FGF1: variants seen among roughly 807,000 people sequenced by gnomAD.
FGF1 encodes beta-endothelial cell growth factor.
In FGF1, 9 loss-of-function variants were observed where a neutral mutation model predicts 13.4. That is an observed-to-expected ratio of 0.67 (90% CI 0.40 to 1.17). The LOEUF is 1.17. FGF1 is among the 50% of genes most tolerant of loss of function. The pLI, the probability that FGF1 is intolerant of heterozygous loss-of-function variation, is 0.01. For synonymous variants in FGF1, 93 were observed against 79.0 expected (o/e 1.18, Z -0.94); for missense variants, 156 against 192.7 (o/e 0.81, Z 1.13).
At chr5:142,683,242 A>AC (rs1774042188) in intron 1 of FGF1, among the ~76,000 whole-genome samples, 1 of 152,200 alleles carries the variant, frequency 6.6e-6, no homozygotes, top group South Asian at 2.1e-4. Flanking sequence ...CACTCTGCAC[A>AC]ATACCTAACC....
intron 1 of FGF1, among the ~76,000 whole-genome samples, chr5:142,679,639 T>C (rs1773345198): frequency 6.6e-6 from 1 of 152,180 alleles, no homozygotes; most frequent in South Asian, 2.1e-4. Flanking sequence ...CCCTTTCCTC[T>C]TTTCCTCCAG....
intron 2 of FGF1, among the ~76,000 whole-genome samples, chr5:142,604,840 T>G (rs530701274): frequency 3.9e-5 from 6 of 152,312 alleles, no homozygotes; most frequent in African/African-American, 1.4e-4. Flanking sequence ...TCTCTTGGGC[T>G]CCAATTATGG....
intron 1 of FGF1, among the ~76,000 whole-genome samples, chr5:142,618,973 A>C (rs1236347940): frequency 2.1e-5 from 2 of 96,272 alleles, no homozygotes; most frequent in African/African-American, 4.0e-5. Flanking sequence ...CCCGCTCTTT[A>C]GCCCAGGCCG....
At chr5:142,597,449 G>T (rs1223839855) in intron 3 of FGF1, among the ~76,000 whole-genome samples, 1 of 152,194 alleles carries the variant, frequency 6.6e-6, no homozygotes, top group Non-Finnish European at 1.5e-5. Context: ...CAGCCACAAC[G>T]TATTAAAGAG....
At chr5:142,671,270 C>G (rs969827799) in intron 1 of FGF1, among the ~76,000 whole-genome samples, 1 of 152,176 alleles carries the variant, frequency 6.6e-6, no homozygotes, top group African/African-American at 2.4e-5. Flanking sequence ...TCTGTGTTAA[C>G]AAATGATGTC....
intron 1 of FGF1, among the ~76,000 whole-genome samples, chr5:142,663,780 C>T (rs1003747748): frequency 5.3e-5 from 8 of 152,078 alleles, no homozygotes; most frequent in Non-Finnish European, 1.0e-4. Flanking sequence ...AAACCATTAG[C>T]GATTTGATGT....
chr5:142,634,687 T>C (rs761089516), intron 1 of FGF1, among the ~76,000 whole-genome samples: 62 of 152,312 alleles, frequency 4.1e-4, no homozygotes, highest in Non-Finnish European at 8.2e-4. Context: ...CAAATAGTAT[T>C]ATTAATGTCT....
intron 1 of FGF1, among the ~76,000 whole-genome samples, chr5:142,682,408 T>C (rs996255727): frequency 6.6e-6 from 1 of 152,124 alleles, no homozygotes; most frequent in African/African-American, 2.4e-5. Flanking sequence ...AGAATTCACC[T>C]TTGAATAATA....
chr5:142,691,388 C>T (rs918734182), intron 2 of FGF1, among the ~76,000 whole-genome samples: 58 of 151,270 alleles, frequency 3.8e-4, no homozygotes, highest in Middle Eastern at 3.4e-3. Context: ...TGTCACTGCA[C>T]TCCAGCCTGG....
At chr5:142,659,587 T>G (rs1768817244) in intron 1 of FGF1, among the ~76,000 whole-genome samples, 1 of 152,204 alleles carries the variant, frequency 6.6e-6, no homozygotes, top group East Asian at 1.9e-4. Flanking sequence ...GGTGGTTAAG[T>G]GCCCAGCACA....
chr5:142,623,745 A>ACT (rs200125870), intron 1 of FGF1, among the ~76,000 whole-genome samples: 11 of 106,992 alleles, frequency 1.0e-4, no homozygotes, highest in African/African-American at 3.9e-4. Context: ...TCATTAAAAA[A>ACT]ATTTTTTTTT....
At chr5:142,642,853 G>C (rs561820691) in intron 1 of FGF1, among the ~76,000 whole-genome samples, 2 of 152,202 alleles carry the variant, frequency 1.3e-5, no homozygotes, top group Non-Finnish European at 2.9e-5. Flanking sequence ...ACTTGGAGCT[G>C]AGTCCTAGAA....
chr5:142,608,816 T>C (rs1420253442), intron 2 of FGF1, among the ~76,000 whole-genome samples: 1 of 149,510 alleles, frequency 6.7e-6, no homozygotes, highest in Non-Finnish European at 1.5e-5. Context: ...TGTGTGTGTG[T>C]ATTTTAAAGT....
chr5:142,664,105 G>A (rs1280300552), intron 1 of FGF1, among the ~76,000 whole-genome samples: 1 of 152,226 alleles, frequency 6.6e-6, no homozygotes, highest in African/African-American at 2.4e-5. Context: ...TCCAGGGGGA[G>A]TGAGCAGTTC....
chr5:142,691,097 A>G (rs1405524763), intron 2 of FGF1, among the ~76,000 whole-genome samples: 1 of 152,008 alleles, frequency 6.6e-6, no homozygotes, highest in African/African-American at 2.4e-5. Context: ...CATACTACTT[A>G]CTACTTTCTC....
chr5:142,618,921 G>GTTTTTTTTTTTT lies in FGF1; in HGVS notation c.-34-4761_-34-4760insAAAAAAAAAAAA, dbSNP rs1343286807. Reference sequence around the variant, plus strand: ...GGCAAACACTGACATTTATTTTTTAGTTGTTTTGTTTTTTTTTTTTTTTTT... The same window carrying GTTTTTTTTTTTT: ...GGCAAACACTGACATTTATTTTTTAGTTTTTTTTTTTTTTGTTTTGTTTTTTTTTTTTTTTTT... On this transcript the variant is annotated intron_variant, in intron 1 of 3. Transcript: ENST00000337706. Among the ~76,000 whole-genome samples, 9 of 108,354 alleles carry GTTTTTTTTTTTT rather than the reference G, an allele frequency of 8.3e-5. 2 individuals carry two copies. The highest frequency in any genetic ancestry group is 3.3e-4 in the South Asian group (1 of 2,990). 71.1% of individuals were successfully genotyped at this position (108,354 alleles called of 152,430 possible).
chr5:142,635,325 G>A (rs993118961), intron 1 of FGF1, among the ~76,000 whole-genome samples: 4 of 152,198 alleles, frequency 2.6e-5, no homozygotes, highest in African/African-American at 9.6e-5. Flanking sequence ...CTCAGTAAAT[G>A]TGAGTTACCG....
chr5:142,621,699 C>T (rs966325207), intron 1 of FGF1, among the ~76,000 whole-genome samples: 3 of 152,092 alleles, frequency 2.0e-5, no homozygotes, highest in African/African-American at 7.2e-5. Context: ...AAAACAAAAG[C>T]CTTGCTGTGG....
chr5:142,696,428 G>C (rs930999899), intron 2 of FGF1, among the ~76,000 whole-genome samples: 1 of 152,202 alleles, frequency 6.6e-6, no homozygotes, highest in Non-Finnish European at 1.5e-5. Context: ...GGATGGGAAT[G>C]ACTCCATGCC....
Sources: gnomAD v4.1 joint callset for allele counts (sites outside exome capture counted in the v4.1 genomes callset) on GRCh38, gnomAD v4.1.1 for gene constraint, MANE v1.5 for transcripts, NCBI Gene and HGNC (gene_info 2026-07-23, HGNC 2026-07-21) for gene names.